The following RB1 variants were observed in gnomAD, a reference collection of about 807,000 sequenced individuals.
RB1 encodes the protein RB transcriptional corepressor 1.
RB1 carries 18 observed loss-of-function variants against 135.4 expected under a neutral mutation model. The ratio of observed to expected loss-of-function variants is 0.13; its 90% CI spans 0.09 to 0.20. The LOEUF is 0.20. Ranked by LOEUF, RB1 falls within the 10% of genes least tolerant of loss-of-function variation. The pLI is 1.00. For missense variants in RB1, 868 were observed against 1,110.0 expected, an observed-to-expected ratio of 0.78 and a Z score of 3.10; for synonymous variants, 365 against 373.2, an observed-to-expected ratio of 0.98 and a Z score of 0.25.
At chr13:48,318,767 C>T (rs1475092077) in intron 2 of RB1, 2 of 700,340 alleles carry the variant, frequency 2.9e-6, no homozygotes, top group Non-Finnish European at 2.5e-6. Flanking sequence ...GGCCACTGGT[C>T]TGGCTGTTGG....
At chr13:48,363,049 G>GT (rs936824283) in intron 8 of RB1, 92 bp downstream of exon 8, 269 of 1,475,794 alleles carry the variant, frequency 1.8e-4, no homozygotes, top group African/African-American at 6.2e-4. Context: ...TTATGAGCAT[G>GT]TTTTTTTTGT....
At chr13:48,336,347 C>T (rs1952384834) in intron 2 of RB1, among the ~76,000 whole-genome samples, 1 of 152,174 alleles carries the variant, frequency 6.6e-6, no homozygotes, top group Admixed American at 6.5e-5. Flanking sequence ...ATATTAATTA[C>T]TCCCTCAATT....
At chr13:48,339,915 C>G (rs1437351231) in intron 2 of RB1, among the ~76,000 whole-genome samples, 3 of 151,972 alleles carry the variant, frequency 2.0e-5, no homozygotes, top group African/African-American at 7.3e-5. Flanking sequence ...ATATATGAAA[C>G]TACAATAATG....
At position 48,303,901 on chromosome 13, in the gene RB1, C is replaced by T; in HGVS notation, c.-12C>T. On this transcript the variant is annotated 5_prime_UTR_variant, in exon 1 of 27. Transcript: ENST00000267163. ...CTCCACAGCTCGCTGGCTCCCGCCG[C>T]GGAAAGGCGTCATGCCGCCCAAAAC... 1 of 1,514,854 alleles carries T rather than the reference C, an allele frequency of 6.6e-7. No individual in the cohort carries two copies. Among genetic ancestry groups the T allele is most frequent in the Non-Finnish European group, 8.8e-7 (1 of 1,138,734 alleles). The allele number at this position is 1,514,854 out of a possible 1,614,324, so 93.8% of individuals were successfully genotyped here. A position where few individuals can be genotyped will look rare whatever the true frequency, so the allele number is the denominator to read the frequency against.
At chr13:48,317,954 G>T in intron 2 of RB1, 1 of 444,058 alleles carries the variant, frequency 2.3e-6, no homozygotes. Context: ...GGCCTTTTCC[G>T]CCAAAAACTT....
chr13:48,425,809 A>G (rs912885589), intron 17 of RB1, among the ~76,000 whole-genome samples: 3 of 152,224 alleles, frequency 2.0e-5, no homozygotes, highest in Non-Finnish European at 2.9e-5. Context: ...CTTTCTATCT[A>G]ATTCAGTCTC....
At chr13:48,395,517 G>A (rs1422610356) in intron 17 of RB1, among the ~76,000 whole-genome samples, 1 of 152,020 alleles carries the variant, frequency 6.6e-6, no homozygotes, top group Non-Finnish European at 1.5e-5. Context: ...AGAATAACCA[G>A]TTTAGAGAAG....
chr13:48,360,766 C>T (rs1952632156), intron 7 of RB1: 1 of 152,028 alleles, frequency 6.6e-6, no homozygotes, highest in African/African-American at 2.4e-5. Context: ...CCTAGAATTG[C>T]TTCCTTTCAT....
chr13:48,363,204 G>GTTTTTT (rs11332935), intron 8 of RB1, among the ~76,000 whole-genome samples: 7 of 141,748 alleles, frequency 4.9e-5, no homozygotes, highest in African/African-American at 8.0e-5. Flanking sequence ...TTCAAATGTA[G>GTTTTTT]TTTTTTTTTT....
rs927971862 is a variant in RB1, at chr13:48,481,471, G to A, written c.*1400G>A. The A allele has an allele frequency of 3.0e-5, 7 of 230,630 alleles. No homozygotes were observed. The highest frequency in any genetic ancestry group is 3.4e-5 in the Non-Finnish European group (4 of 116,522). The allele number at this position is 230,630 out of a possible 1,614,324, so 14.3% of individuals were successfully genotyped here. A position where few individuals can be genotyped will look rare whatever the true frequency, so the allele number is the denominator to read the frequency against. On this transcript the variant is annotated 3_prime_UTR_variant, in exon 27 of 27. Coordinates refer to ENST00000267163, the MANE Select transcript of RB1 (RefSeq NM_000321.3). The stretch of plus-strand genomic sequence containing the variant: ...AGCTAGCTTTTAGGAAAATCACTTT[G>A]TCTAACTCAGAATTATTTTTAAAAA...
intron 17 of RB1, chr13:48,389,625 G>A (rs1170406504): frequency 6.6e-6 from 1 of 152,122 alleles, no homozygotes; most frequent in African/African-American, 2.4e-5. Flanking sequence ...AGGAATTTGG[G>A]TTGAACTTGA....
intron 17 of RB1, among the ~76,000 whole-genome samples, chr13:48,393,731 A>G (rs968315308): frequency 3.3e-5 from 5 of 152,216 alleles, no homozygotes; most frequent in Non-Finnish European, 7.3e-5. Context: ...GGTGCTTACT[A>G]TATGGAGAAC....
chr13:48,328,438 T>C, intron 2 of RB1: 1 of 1,123,268 alleles, frequency 8.9e-7, no homozygotes, highest in Non-Finnish European at 1.4e-6. Flanking sequence ...GTTGGAGGTC[T>C]GCAGCTTCTT....
intron 17 of RB1, chr13:48,445,105 A>C (rs1949275726): frequency 6.6e-6 from 1 of 152,116 alleles, no homozygotes; most frequent in Non-Finnish European, 1.5e-5. Context: ...TATTCTTGAG[A>C]CATTGGAGCT....
chr13:48,421,151 A>G, intron 17 of RB1, among the ~76,000 whole-genome samples: 1 of 152,214 alleles, frequency 6.6e-6, no homozygotes, highest in East Asian at 1.9e-4. Context: ...AGGCTACAAT[A>G]ACCAAAACAG....
chr13:48,308,909 G>T (rs1375540111), intron 2 of RB1, among the ~76,000 whole-genome samples: 1 of 151,872 alleles, frequency 6.6e-6, no homozygotes, highest in Admixed American at 6.6e-5. Flanking sequence ...GTATTTTCCT[G>T]TTTTTTTCTC....
chr13:48,359,859 A>ATT (rs547128110), intron 6 of RB1, among the ~76,000 whole-genome samples, 158 bp from the exon 7 acceptor site: 4 of 143,502 alleles, frequency 2.8e-5, no homozygotes, highest in Non-Finnish European at 4.6e-5. Flanking sequence ...TTTAAAACAG[A>ATT]TTTTTTTTTT....
At chr13:48,331,601 TA>T (rs1183293797) in intron 2 of RB1, among the ~76,000 whole-genome samples, 1 of 152,130 alleles carries the variant, frequency 6.6e-6, no homozygotes, top group Non-Finnish European at 1.5e-5. Context: ...TAACAGATGT[TA>T]GAGAGGATGT....
intron 17 of RB1, among the ~76,000 whole-genome samples, chr13:48,452,601 T>C (rs1040932507): frequency 2.0e-5 from 3 of 152,114 alleles, no homozygotes; most frequent in African/African-American, 7.2e-5. Flanking sequence ...ACTGGAGATT[T>C]GTTAGTTATT....
Sources: gnomAD v4.1 joint callset for allele counts (sites outside exome capture counted in the v4.1 genomes callset) on GRCh38, gnomAD v4.1.1 for gene constraint, MANE v1.5 for transcripts, NCBI Gene and HGNC (gene_info 2026-07-23, HGNC 2026-07-21) for gene names.